Variants in SIM2 observed in about 807,000 individuals in gnomAD.
SIM2 encodes single-minded homolog 2.
SIM2 carries 28 observed loss-of-function variants against 64.8 expected under a neutral mutation model. The ratio of observed to expected loss-of-function variants is 0.43; its 90% CI spans 0.32 to 0.59. The LOEUF is 0.59. Ranked by LOEUF, SIM2 falls within the 20% of genes least tolerant of loss-of-function variation. SIM2 has a pLI of 0.07. For synonymous variants in SIM2, 408 were observed against 391.1 expected (o/e 1.04, Z -0.51); for missense variants, 847 against 871.4 (o/e 0.97, Z 0.35).
chr21:36,744,391 GGGAA>G (rs954111507), intron 9 of SIM2, among the ~76,000 whole-genome samples: 1 of 148,630 alleles, frequency 6.7e-6, no homozygotes, highest in African/African-American at 2.5e-5. Flanking sequence ...AAGGAAGGAA[GGGAA>G]GGAAGGAAGA....
rs183980516 is a variant in SIM2, at chr21:36,713,198, C to T, written c.348+576C>T. On this transcript the variant is annotated intron_variant, in intron 3 of 10. Transcript: ENST00000290399. ...ATAGAAACTCATAAAACTCAGTTTA[C>T]TACTGTTTTGAACAGCAAGGTTTCT... 2.1e-3 allele frequency among the ~76,000 whole-genome samples: 317 copies of T among 152,302 alleles called. 1 individual carries two copies. The highest frequency in any genetic ancestry group is 3.3e-3 in the Non-Finnish European group (227 of 68,028).
At position 36,747,648 on chromosome 21, in the gene SIM2, G is replaced by A; in HGVS notation, c.1577-17G>A. On this transcript the variant is annotated splice_polypyrimidine_tract_variant and intron_variant, in intron 10 of 10. Transcript: ENST00000290399. This position sits in a 1 kb window ranked among gnomAD's most constrained non-coding sequence, Gnocchi z 4.5. ...CGCGCCCCTTGCTGCCCTCTAACGT[G>A]TCGCCTGTCCCCGCAGCGCCCGCCG... 8.1e-7 allele frequency: 1 copy of A among 1,237,720 alleles called. No individual in the cohort carries two copies. Among genetic ancestry groups the A allele is most frequent in the Non-Finnish European group, 1.0e-6 (1 of 991,582 alleles). 76.7% of individuals were successfully genotyped at this position (1,237,720 alleles called of 1,614,324 possible). A position where few individuals can be genotyped will look rare whatever the true frequency, so the allele number is the denominator to read the frequency against.
chr21:36,735,407 C>T (rs2089030402), intron 7 of SIM2, among the ~76,000 whole-genome samples: 1 of 152,260 alleles, frequency 6.6e-6, no homozygotes. Flanking sequence ...CGAGCCCTGT[C>T]TGTCATCTTT....
In SIM2 at chr21:36,745,477, G is replaced by A. The variant is rs1387518552; in HGVS notation, c.1576+341G>A. On this transcript the variant is annotated intron_variant, in intron 10 of 10. Coordinates refer to ENST00000290399, the MANE Select transcript of SIM2 (RefSeq NM_005069.6). The surrounding 1 kb of genome is among the most constrained non-coding windows in gnomAD (Gnocchi z 4.8). ...GCTCCCATGTGCTGAGAACACCCCA[G>A]CTGCATTTCTTTTGCAAGATTCCTT... 2.5e-6 allele frequency: 3 copies of A among 1,179,238 alleles called. No individual in the cohort carries two copies. The highest frequency in any genetic ancestry group is 5.1e-5 in the East Asian group (1 of 19,438). The allele number at this position is 1,179,238 out of a possible 1,614,324, so 73.0% of individuals were successfully genotyped here.
In SIM2 at chr21:36,726,560, TTA is replaced by T. The variant is rs1177579251; in HGVS notation, c.743+244_743+245del. Among the ~76,000 whole-genome samples the T allele has an allele frequency of 1.3e-5, 2 of 152,262 alleles. No homozygotes were observed. The highest frequency in any genetic ancestry group is 4.8e-5 in the African/African-American group (2 of 41,478). ...TTTATTTACTTATTGATTACTTATT[TTA>T]TTTACTTATTGATTACTTGTTTTAT... On this transcript the variant is annotated intron_variant, in intron 6 of 10. Transcript: ENST00000290399. The surrounding 1 kb of genome is among the most constrained non-coding windows in gnomAD (Gnocchi z 4.5).
At chr21:36,719,599 G>A (rs1405862158) in intron 3 of SIM2, among the ~76,000 whole-genome samples, 1 of 152,222 alleles carries the variant, frequency 6.6e-6, no homozygotes, top group African/African-American at 2.4e-5. Flanking sequence ...GCAAGCTCAA[G>A]CCTCAGTGCC....
In SIM2 at chr21:36,749,605, G is replaced by A. The variant is rs184620015; in HGVS notation, c.*1513G>A. On this transcript the variant is annotated 3_prime_UTR_variant, in exon 11 of 11. Coordinates refer to ENST00000290399, the MANE Select transcript of SIM2 (RefSeq NM_005069.6). ...AAGGGGCTGGATGGTAGGAAGGGAT[G>A]TGCCCGCCTCTCCACGCACTCAGCT... 3.9e-5 allele frequency: 6 copies of A among 152,162 alleles called. No homozygotes were observed. The highest frequency in any genetic ancestry group is 2.6e-4 in the Admixed American group (4 of 15,290). 9.4% of individuals were successfully genotyped at this position (152,162 alleles called of 1,614,324 possible).
At chr21:36,723,917 G>T (rs1039534557) in intron 5 of SIM2, among the ~76,000 whole-genome samples, 1 of 152,146 alleles carries the variant, frequency 6.6e-6, no homozygotes, top group African/African-American at 2.4e-5. Flanking sequence ...CCCCTCTCTG[G>T]GCTCCTTACC....
intron 8 of SIM2, 113 bp downstream of exon 8, chr21:36,741,977 C>A: frequency 3.6e-6 from 4 of 1,105,180 alleles, no homozygotes; most frequent in Non-Finnish European, 4.9e-6. Flanking sequence ...GTTCATTTGT[C>A]TTCTGTTTTT....
intron 7 of SIM2, among the ~76,000 whole-genome samples, chr21:36,737,835 C>G (rs1041882111): frequency 6.6e-6 from 1 of 151,764 alleles, no homozygotes; most frequent in Non-Finnish European, 1.5e-5. Flanking sequence ...GTGGCATTCG[C>G]CTGTAATCCC....
chr21:36,747,719 C>T lies in SIM2; in HGVS notation c.1631C>T (p.Pro544Leu). The change falls in exon 11 of 11, where the codon CCG becomes CTG. Residue 544 changes from proline (P) to leucine (L), a missense_variant. By Grantham distance (98) the Pro-to-Leu change is moderately conservative. Coordinates refer to ENST00000290399, the MANE Select transcript of SIM2 (RefSeq NM_005069.6). The surrounding 1 kb of genome is among the most constrained non-coding windows in gnomAD (Gnocchi z 4.5). Reference protein sequence around the residue: ...FGEDTAPPSFPSCGHYREEPA... With the variant: ...FGEDTAPPSFLSCGHYREEPA... The stretch of plus-strand genomic sequence containing the variant: ...GAGGACACCGCGCCCCCGAGCTTCC[C>T]GAGCTGCGGCCACTACCGCGAGGAG... The T allele has an allele frequency of 7.9e-7, 1 of 1,272,984 alleles. No individual in the cohort carries two copies. The highest frequency in any genetic ancestry group is 9.9e-7 in the Non-Finnish European group (1 of 1,007,414). The allele number at this position is 1,272,984 out of a possible 1,614,324, so 78.9% of individuals were successfully genotyped here.
intron 3 of SIM2, among the ~76,000 whole-genome samples, chr21:36,717,480 C>T (rs1285712441): frequency 7.3e-6 from 1 of 137,578 alleles, no homozygotes; most frequent in Admixed American, 7.9e-5. Context: ...CAGAGTCTTG[C>T]TCTGTCGCCC....
chr21:36,726,725 C>T lies in SIM2; in HGVS notation c.743+407C>T, dbSNP rs1206939361. 6.6e-6 allele frequency among the ~76,000 whole-genome samples: 1 copy of T among 152,178 alleles called. No individual in the cohort carries two copies. Among genetic ancestry groups the T allele is most frequent in the Non-Finnish European group, 1.5e-5 (1 of 68,042 alleles). On this transcript the variant is annotated intron_variant, in intron 6 of 10. Coordinates refer to ENST00000290399, the MANE Select transcript of SIM2 (RefSeq NM_005069.6). The surrounding 1 kb of genome is among the most constrained non-coding windows in gnomAD (Gnocchi z 4.5). Reference sequence around the variant, plus strand: ...GGACTTTAGAACAAACAGAAAATTTCCACCCTGTGTGCGGTGTGTGGGGGG... The same window carrying T: ...GGACTTTAGAACAAACAGAAAATTTTCACCCTGTGTGCGGTGTGTGGGGGG...
At chr21:36,743,287 A>C in intron 8 of SIM2, 100 bp from the exon 9 acceptor site, 1 of 988,488 alleles carries the variant, frequency 1.0e-6, no homozygotes, top group Non-Finnish European at 1.5e-6. Flanking sequence ...GAAAAGACAC[A>C]CTGGAGCACT....
chr21:36,718,445 T>C (rs1445377253), intron 3 of SIM2, among the ~76,000 whole-genome samples: 1 of 152,154 alleles, frequency 6.6e-6, no homozygotes, highest in Non-Finnish European at 1.5e-5. Context: ...CAGCGACACC[T>C]GCAGCAAGAC....
At chr21:36,707,435 A>T (rs574381825) in intron 1 of SIM2, among the ~76,000 whole-genome samples, 3 of 152,162 alleles carry the variant, frequency 2.0e-5, no homozygotes, top group Non-Finnish European at 2.9e-5. Context: ...CCCGTGGTGG[A>T]GGCTGGGGGC....
In SIM2 at chr21:36,712,281, G is replaced by C. The variant is rs900932944; in HGVS notation, c.259-252G>C. On this transcript the variant is annotated intron_variant, in intron 2 of 10. Coordinates refer to ENST00000290399, the MANE Select transcript of SIM2 (RefSeq NM_005069.6). ...ATAGGAATTCTCAAATGTTTTGCAT[G>C]ATTTTTGTGATGTGGATGTATGATT... Among the ~76,000 whole-genome samples the C allele has an allele frequency of 3.3e-5, 5 of 152,200 alleles. No homozygotes were observed. The East Asian group carries it at 9.6e-4, about 29-fold the overall frequency.
Position 36,726,055 on chromosome 21 carries a change from A to G in SIM2, c.544-64A>G, listed in dbSNP as rs968927658. On this transcript the variant is annotated intron_variant, in intron 5 of 10. Coordinates refer to ENST00000290399, the MANE Select transcript of SIM2 (RefSeq NM_005069.6). This position sits in a 1 kb window ranked among gnomAD's most constrained non-coding sequence, Gnocchi z 4.5. ...TCTAGCATGTTTGAGAAAATGAGCCAGGAGGAGTGGGCTCCAGCCCAACCC... is the reference window on the plus strand; with the variant it reads ...TCTAGCATGTTTGAGAAAATGAGCCGGGAGGAGTGGGCTCCAGCCCAACCC... 2.0e-5 allele frequency: 27 copies of G among 1,347,150 alleles called. No homozygotes were observed. The South Asian group carries it at 2.9e-4, about 15-fold the overall frequency. The allele number at this position is 1,347,150 out of a possible 1,614,324, so 83.4% of individuals were successfully genotyped here. A position where few individuals can be genotyped will look rare whatever the true frequency, so the allele number is the denominator to read the frequency against.
chr21:36,722,257 A>G (rs1000209563), intron 4 of SIM2, among the ~76,000 whole-genome samples: 1 of 152,182 alleles, frequency 6.6e-6, no homozygotes, highest in Non-Finnish European at 1.5e-5. Flanking sequence ...AATTGTGGGT[A>G]AAATATGGCA....
Sources: gnomAD v4.1 joint callset for allele counts (sites outside exome capture counted in the v4.1 genomes callset) on GRCh38, gnomAD v4.1.1 for gene constraint, Gnocchi (gnomAD v3.1) non-coding constraint, MANE v1.5 for transcripts, NCBI Gene and HGNC (gene_info 2026-07-23, HGNC 2026-07-21) for gene names.